Variants in ACOT12 observed in about 807,000 individuals in gnomAD.
ACOT12 encodes the protein acetyl-coenzyme A thioesterase.
In ACOT12, 51 loss-of-function variants were observed where a neutral mutation model predicts 67.7. That is an observed-to-expected ratio of 0.75 (90% CI 0.60 to 0.95). The LOEUF (loss-of-function observed/expected upper bound fraction) is 0.95, where lower values mean the gene tolerates loss of function less well. Among genes scored for constraint, ACOT12 ranks in the 40% least tolerant of loss-of-function variants. The pLI, the probability that ACOT12 is intolerant of heterozygous loss-of-function variation, is 0.00. For synonymous variants in ACOT12, 251 were observed against 244.6 expected (o/e 1.03, Z -0.24); for missense variants, 734 against 708.1 (o/e 1.04, Z -0.41).
chr5:81,319,560 A>T, the ACOT12 span, among the ~76,000 whole-genome samples: 45 of 152,304 alleles, frequency 3.0e-4, no homozygotes, highest in Admixed American at 1.0e-3. Flanking sequence ...TCTACTAAAA[A>T]TACAAAATTA....
intron 5 of ACOT12, among the ~76,000 whole-genome samples, chr5:81,357,167 C>A (rs1346854402): frequency 2.6e-5 from 4 of 152,182 alleles, no homozygotes; most frequent in Admixed American, 2.6e-4. Context: ...CATAGCCCCT[C>A]CTGCAGCGAG....
downstream of ACOT12, among the ~76,000 whole-genome samples, chr5:81,328,280 AC>A (rs1174490503): frequency 1.1e-4 from 16 of 151,950 alleles, 1 homozygote; most frequent in African/African-American, 3.9e-4. Context: ...CTTCATCTTT[AC>A]CCTGCTTAAT....
intron 10 of ACOT12, among the ~76,000 whole-genome samples, chr5:81,343,257 T>G (rs1759262243): frequency 1.3e-5 from 2 of 151,554 alleles, no homozygotes; most frequent in South Asian, 4.2e-4. Context: ...CAAACAAAAG[T>G]AAAAAGAACT....
At chr5:81,352,421 A>G (rs1759581461) in intron 5 of ACOT12, among the ~76,000 whole-genome samples, 1 of 152,272 alleles carries the variant, frequency 6.6e-6, no homozygotes, top group Non-Finnish European at 1.5e-5. Context: ...AATACTATTC[A>G]GCCATAAAAA....
chr5:81,332,457 C>T lies in ACOT12; in HGVS notation c.1391+20G>A. On this transcript the variant is annotated intron_variant, in intron 13 of 14. Coordinates refer to ENST00000307624, the MANE Select transcript of ACOT12 (RefSeq NM_130767.3). The stretch of plus-strand genomic sequence containing the variant: ...TATACTATGAAATATTAATAGAACA[C>T]TTGGACTGCATATACTCACCCATCT... 1 of 1,612,976 alleles carries T rather than the reference C, an allele frequency of 6.2e-7. No homozygotes were observed. The highest frequency in any genetic ancestry group is 2.2e-5 in the East Asian group (1 of 44,826).
At position 81,347,885 on chromosome 5, in the gene ACOT12, G is replaced by T; in HGVS notation, c.542C>A (p.Thr181Asn). ...EEEGAVSTRG[T>N]SVQSIELVLP... ...GACCAGTTCAATGCTCTGAACGGAG[G>T]TGCCCCTTGTGGAAACCGCTCCTTC... Residue 181 changes from threonine (T) to asparagine (N), a missense_variant, in exon 6 of 15, where the codon ACC becomes AAC. Physicochemically the swap from Thr to Asn is moderately conservative, Grantham distance 65 (BLOSUM62 0). Coordinates refer to ENST00000307624, the MANE Select transcript of ACOT12 (RefSeq NM_130767.3). 4 of 1,614,066 alleles carry T rather than the reference G, an allele frequency of 2.5e-6. No homozygotes were observed. Among genetic ancestry groups the T allele is most frequent in the Non-Finnish European group, 3.4e-6 (4 of 1,180,014 alleles).
intron 4 of ACOT12, among the ~76,000 whole-genome samples, chr5:81,362,715 A>G (rs925202050): frequency 6.6e-6 from 1 of 152,174 alleles, no homozygotes; most frequent in Non-Finnish European, 1.5e-5. Flanking sequence ...AGTGTCTCAG[A>G]TTTTAGTGAA....
intron 1 of ACOT12, among the ~76,000 whole-genome samples, chr5:81,392,609 CA>C (rs1342113783): frequency 6.6e-6 from 1 of 152,118 alleles, no homozygotes; most frequent in Non-Finnish European, 1.5e-5. Context: ...TCAGTGGTCT[CA>C]TAATGTATTC....
At chr5:81,315,228 T>C in the ACOT12 span, among the ~76,000 whole-genome samples, 1 of 152,124 alleles carries the variant, frequency 6.6e-6, no homozygotes, top group Non-Finnish European at 1.5e-5. Flanking sequence ...AGTTTACCTT[T>C]TTGTCTCTTT....
intron 2 of ACOT12, among the ~76,000 whole-genome samples, chr5:81,384,381 A>AC (rs1210119562): frequency 7.3e-5 from 11 of 150,908 alleles, no homozygotes; most frequent in South Asian, 2.1e-4. Flanking sequence ...CAGGTGATCC[A>AC]CCCCCCTAGG....
the ACOT12 span, among the ~76,000 whole-genome samples, chr5:81,315,020 T>C: frequency 2.6e-5 from 4 of 152,216 alleles, no homozygotes; most frequent in Admixed American, 6.5e-5. Flanking sequence ...CTTCGGTCTT[T>C]TGTAAATTTC....
intron 2 of ACOT12, among the ~76,000 whole-genome samples, chr5:81,385,492 G>A (rs1190952686): frequency 6.6e-6 from 1 of 152,056 alleles, no homozygotes; most frequent in African/African-American, 2.4e-5. Context: ...AAGTCTGTTT[G>A]GCTGTTATGC....
At chr5:81,312,472 A>T in the ACOT12 span, 3 of 1,233,142 alleles carry the variant, frequency 2.4e-6, no homozygotes, top group African/African-American at 4.5e-5. Flanking sequence ...CCTTTCCCAA[A>T]CCAATAACAA....
At position 81,364,966 on chromosome 5, in the gene ACOT12, A is replaced by C. The variant is rs375597877; in HGVS notation, c.259-1077T>G. ...ACGGACAGAATTGCATCATGTATTT[A>C]CAGCTTTGTTTCTGTGATTAATTTT... On this transcript the variant is annotated intron_variant, in intron 3 of 14. Coordinates refer to ENST00000307624, the MANE Select transcript of ACOT12 (RefSeq NM_130767.3). Among the ~76,000 whole-genome samples the C allele has an allele frequency of 1.6e-3, 244 of 152,128 alleles. 2 individuals carry two copies. Among genetic ancestry groups the C allele is most frequent in the Middle Eastern group, 0.01 (3 of 294 alleles).
At chr5:81,348,818 C>G (rs7736224) in intron 5 of ACOT12, among the ~76,000 whole-genome samples, 116 of 152,374 alleles carry the variant, frequency 7.6e-4, no homozygotes, top group African/African-American at 2.6e-3. Context: ...CCCGCCTCGG[C>G]CTCCCAAAGT....
chr5:81,380,425 G>T (rs962661422), intron 2 of ACOT12, among the ~76,000 whole-genome samples: 1 of 152,030 alleles, frequency 6.6e-6, no homozygotes, highest in Non-Finnish European at 1.5e-5. Flanking sequence ...TTAGCTGTGT[G>T]TGGTGGCACG....
the ACOT12 span, among the ~76,000 whole-genome samples, chr5:81,322,146 A>G: frequency 6.6e-6 from 1 of 152,170 alleles, no homozygotes; most frequent in African/African-American, 2.4e-5. Context: ...TCTCAGAATC[A>G]TTGAGGCTTT....
At chr5:81,323,995 G>A in the ACOT12 span, among the ~76,000 whole-genome samples, 2 of 151,542 alleles carry the variant, frequency 1.3e-5, no homozygotes, top group East Asian at 1.9e-4. Context: ...AGGCTGGAGT[G>A]CAGTGGTGCG....
Position 81,330,817 on chromosome 5 carries a change from G to C in ACOT12, c.1515C>G (p.Cys505Trp). 6.2e-7 allele frequency: 1 copy of C among 1,613,402 alleles called. No individual in the cohort carries two copies. Among genetic ancestry groups the C allele is most frequent in the Non-Finnish European group, 8.5e-7 (1 of 1,179,776 alleles). ...FLIHAIDSNS[C>W]IVSYFNHMSA... ...GCAGATGTTTCATCAAACTTACGAT[G>C]CATGAATTGCTGTCAATAGCATGGA... Residue 505 changes from cysteine (C) to tryptophan (W), a missense_variant, in exon 14 of 15, where the codon TGC becomes TGG. Physicochemically the swap from Cys to Trp is radical, Grantham distance 215. Coordinates refer to ENST00000307624, the MANE Select transcript of ACOT12 (RefSeq NM_130767.3).
Sources: gnomAD v4.1 joint callset for allele counts (sites outside exome capture counted in the v4.1 genomes callset) on GRCh38, gnomAD v4.1.1 for gene constraint, MANE v1.5 for transcripts, NCBI Gene and HGNC (gene_info 2026-07-23, HGNC 2026-07-21) for gene names.